Variants in ARPC4 observed in about 807,000 individuals in gnomAD.
ARPC4 encodes actin-related protein 2/3 complex subunit 4.
In ARPC4, 3 loss-of-function variants were observed where a neutral mutation model predicts 22.8. The observed-to-expected ratio is 0.13, with a 90% CI of 0.06 to 0.34. The LOEUF (loss-of-function observed/expected upper bound fraction) is 0.34. Ranked by LOEUF, ARPC4 falls within the 10% of genes least tolerant of loss-of-function variation. The pLI is 1.00. For missense variants in ARPC4, 98 were observed against 211.0 expected (o/e 0.46, Z 3.32); for synonymous variants, 80 against 72.5 (o/e 1.10, Z -0.52).
At position 9,793,247 on chromosome 3, in the gene ARPC4, C is replaced by CCGG; in HGVS notation, c.3+123_3+124insCGG. On this transcript the variant is annotated intron_variant, in intron 1 of 5. Transcript: ENST00000397261. ...GAGGGATGTCCGGGGGTTGTGGGGA[C>CCGG]ACGATGAGGGTGGGAAAAAGAGACG... 2.1e-6 allele frequency: 3 copies of CCGG among 1,434,474 alleles called. No homozygotes were observed. In the African/African-American group the frequency reaches 4.4e-5, roughly 21 times the overall value. 88.9% of individuals were successfully genotyped at this position (1,434,474 alleles called of 1,614,324 possible).
chr3:9,795,045 AC>A (rs1451075225), intron 1 of ARPC4, among the ~76,000 whole-genome samples: 2 of 151,994 alleles, frequency 1.3e-5, no homozygotes, highest in Non-Finnish European at 2.9e-5. Flanking sequence ...TCGCTCTGTC[AC>A]CCAGGCTGGA....
intron 1 of ARPC4, among the ~76,000 whole-genome samples, chr3:9,794,182 C>T (rs746851946): frequency 2.6e-5 from 4 of 152,154 alleles, no homozygotes; most frequent in African/African-American, 9.7e-5. Flanking sequence ...GAGCCAGTCA[C>T]CCTTTTTAGG....
intron 3 of ARPC4, among the ~76,000 whole-genome samples, chr3:9,800,747 T>C (rs76401106): frequency 0.02 from 3,080 of 152,192 alleles, 87 homozygotes; most frequent in African/African-American, 0.07. Context: ...CTCTAAACTT[T>C]CAACAGGATG....
At chr3:9,802,521 G>A (rs1470254439) in intron 4 of ARPC4, among the ~76,000 whole-genome samples, 68 of 148,374 alleles carry the variant, frequency 4.6e-4, no homozygotes, top group African/African-American at 1.6e-3. Flanking sequence ...GACTACAGGC[G>A]CCCACCACCA....
chr3:9,800,143 A>T (rs146270445), intron 2 of ARPC4, 42 bp from the exon 3 acceptor site: 1 of 1,604,976 alleles, frequency 6.2e-7, no homozygotes, highest in Non-Finnish European at 8.5e-7. Flanking sequence ...TGACTATTCT[A>T]TCCCTCTGTA....
upstream of ARPC4, chr3:9,792,708 A>G (rs1231200336): frequency 2.8e-5 from 34 of 1,233,770 alleles, no homozygotes; most frequent in Non-Finnish European, 2.9e-5. Flanking sequence ...AGCTGCGGGT[A>G]GGAGGGGCGA....
At chr3:9,792,561 G>A (rs2078765014), upstream of ARPC4, 2 of 1,228,646 alleles carry the variant, frequency 1.6e-6, no homozygotes, top group Non-Finnish European at 2.0e-6. Context: ...TGGGAAGAAG[G>A]TGGGCCTCGA....
rs2078979653 is a variant in ARPC4 at position 9,800,200 on chromosome 3, C to T, written c.138C>T (p.Leu46=). 6.2e-7 allele frequency: 1 copy of T among 1,613,906 alleles called. No homozygotes were observed. Among genetic ancestry groups the T allele is most frequent in the Non-Finnish European group, 8.5e-7 (1 of 1,180,022 alleles). ...PEVEVRSSKE[L]LLQPVTISRN... is the part of the protein sequence containing the mutation. The stretch of plus-strand genomic sequence containing the variant: ...ATGTTTTCAGGAGTAGCAAAGAGCT[C>T]CTGTTACAACCTGTGACCATCAGCA... The change falls in exon 3 of 6, where the codon CTC becomes CTT. Residue 46 remains leucine, a synonymous_variant. Coordinates refer to ENST00000397261, the MANE Select transcript of ARPC4 (RefSeq NM_005718.5).
chr3:9,800,338 A>G (rs750456142), intron 3 of ARPC4, 42 bp downstream of exon 3: 2 of 1,597,526 alleles, frequency 1.3e-6, no homozygotes, highest in Admixed American at 1.7e-5. Flanking sequence ...GGCCTCTTTC[A>G]GTCCTTTCAG....
intron 3 of ARPC4, among the ~76,000 whole-genome samples, chr3:9,800,932 C>G (rs2078994048): frequency 6.6e-6 from 1 of 152,000 alleles, no homozygotes; most frequent in African/African-American, 2.4e-5. Context: ...AGTTCAGGGC[C>G]AGGCACAGTG....
chr3:9,801,726 C>A lies in ARPC4; in HGVS notation c.300C>A (p.Asn100Lys), dbSNP rs768342495. The A allele has an allele frequency of 6.2e-7, 1 of 1,606,304 alleles. No homozygotes were observed. The highest frequency in any genetic ancestry group is 1.1e-5 in the South Asian group (1 of 89,862). ...FMRFMMMRAE[N>K]FFILRRKPVE... ...GCTTCATGATGATGCGAGCAGAGAA[C>A]TTCTTTATCCTTCGAAGGAAGCCTG... Residue 100 changes from asparagine to lysine, a missense_variant, in exon 4 of 6, where the codon AAC becomes AAA. Coordinates refer to ENST00000397261, the MANE Select transcript of ARPC4 (RefSeq NM_005718.5).
Position 9,793,206 on chromosome 3 carries a change from G to T in ARPC4, c.3+82G>T, listed in dbSNP as rs758274228. On this transcript the variant is annotated intron_variant, in intron 1 of 5. Coordinates refer to ENST00000397261, the MANE Select transcript of ARPC4 (RefSeq NM_005718.5). Reference sequence around the variant, plus strand: ...GGTCGGTGGGAGATGTGGCTTTGCCGCAGGGGCGCGGGGCCGAGGGATGTC... The same window carrying T: ...GGTCGGTGGGAGATGTGGCTTTGCCTCAGGGGCGCGGGGCCGAGGGATGTC... 18 of 1,496,728 alleles carry T rather than the reference G, an allele frequency of 1.2e-5. No individual in the cohort carries two copies. The South Asian group carries it at 2.2e-4, about 19-fold the overall frequency. 92.7% of individuals were successfully genotyped at this position (1,496,728 alleles called of 1,614,324 possible). A position where few individuals can be genotyped will look rare whatever the true frequency, so the allele number is the denominator to read the frequency against.
At chr3:9,792,967 C>CA, upstream of ARPC4, 1 of 1,419,404 alleles carries the variant, frequency 7.0e-7, no homozygotes, top group Non-Finnish European at 9.2e-7. Flanking sequence ...CCGGAAGGCC[C>CA]AAGCGTTCGT....
Position 9,797,782 on chromosome 3 carries a change from G to A in ARPC4, c.122+5G>A, listed in dbSNP as rs1273368883. ...CAAGCCGGAAGTGGAAGTCAGGTAG[G>A]GAAGGACAAGTCAAGGTGGGGATGA... On this transcript the variant is annotated splice_donor_5th_base_variant and intron_variant, in intron 2 of 5. Transcript: ENST00000397261. 2.5e-6 allele frequency: 4 copies of A among 1,613,178 alleles called. No homozygotes were observed. The highest frequency in any genetic ancestry group is 1.7e-5 in the Admixed American group (1 of 59,974).
intron 2 of ARPC4, 154 bp from the exon 3 acceptor site, chr3:9,800,031 C>T (rs574023545): frequency 4.6e-4 from 345 of 742,636 alleles, no homozygotes; most frequent in Middle Eastern, 9.2e-4. Flanking sequence ...TGCTGAAGAA[C>T]ACACTCACTG....
rs895305920 is a variant in ARPC4, at chr3:9,803,660, C to G, written c.331-183C>G. 2.6e-4 allele frequency: 202 copies of G among 773,962 alleles called. No homozygotes were observed. In the African/African-American group the frequency reaches 3.0e-3, roughly 12 times the overall value. The allele number at this position is 773,962 out of a possible 1,614,324, so 47.9% of individuals were successfully genotyped here. ...CTCAACGGGGTTCAGTTGCTTGGAT[C>G]CAACCTAGACACCCTCCCCCAGAGC... On this transcript the variant is annotated intron_variant, in intron 4 of 5. Transcript: ENST00000397261.
intron 4 of ARPC4, among the ~76,000 whole-genome samples, chr3:9,802,970 G>A (rs553350300): frequency 1.2e-4 from 18 of 151,036 alleles, no homozygotes; most frequent in East Asian, 3.9e-4. Context: ...TGCAAGCTCC[G>A]CCTCCTGGGT....
At chr3:9,806,170 A>G (rs765801746) in intron 5 of ARPC4, 40 bp from the exon 6 acceptor site, 2 of 1,612,450 alleles carry the variant, frequency 1.2e-6, no homozygotes, top group Non-Finnish European at 1.7e-6. Context: ...CCAGGATGCA[A>G]TAATAACCAC....
chr3:9,806,735 T>G lies in ARPC4; in HGVS notation c.*520T>G, dbSNP rs2079112814. On this transcript the variant is annotated 3_prime_UTR_variant, in exon 6 of 6. Coordinates refer to ENST00000397261, the MANE Select transcript of ARPC4 (RefSeq NM_005718.5). ...CAAGCCTCCTTGGCCCCAGTATAAG[T>G]GTTGGGAACTCTCTGCCAGCTTCCT... 1 of 160,278 alleles carries G rather than the reference T, an allele frequency of 6.2e-6. No homozygotes were observed. The highest frequency in any genetic ancestry group is 1.4e-5 in the Non-Finnish European group (1 of 73,052). The allele number at this position is 160,278 out of a possible 1,614,324, so 9.9% of individuals were successfully genotyped here. A position where few individuals can be genotyped will look rare whatever the true frequency, so the allele number is the denominator to read the frequency against.
Sources: allele counts gnomAD v4.1 joint callset (sites outside exome capture counted in the v4.1 genomes callset), GRCh38; gene constraint gnomAD v4.1.1; transcripts MANE v1.5; gene names NCBI Gene and HGNC (gene_info 2026-07-23, HGNC 2026-07-21).